Variants in TMEM178A observed in about 807,000 individuals in gnomAD.
The protein encoded by TMEM178A is transmembrane protein 178A.
TMEM178A carries 12 observed loss-of-function variants against 29.1 expected under a neutral mutation model. The observed-to-expected ratio is 0.41, with a 90% CI of 0.26 to 0.67. The LOEUF (loss-of-function observed/expected upper bound fraction) is 0.67. TMEM178A is among the 30% of genes least tolerant of loss of function. The pLI, the probability that TMEM178A is intolerant of heterozygous loss-of-function variation, is 0.29. For missense variants in TMEM178A, 366 were observed against 419.1 expected, an observed-to-expected ratio of 0.87 and a Z score of 1.11; for synonymous variants, 210 against 187.2, an observed-to-expected ratio of 1.12 and a Z score of -0.99.
intron 1 of TMEM178A, among the ~76,000 whole-genome samples, chr2:39,673,606 A>G (rs1670494283): frequency 6.6e-6 from 1 of 152,228 alleles, no homozygotes; most frequent in Non-Finnish European, 1.5e-5. Context: ...GGAAATTCTG[A>G]GTGTACAGAT....
chr2:39,720,739 A>T (rs1328106103), downstream of TMEM178A, among the ~76,000 whole-genome samples: 3 of 152,168 alleles, frequency 2.0e-5, no homozygotes, highest in East Asian at 5.8e-4. Flanking sequence ...AGAGTCATAG[A>T]TAAACTCTTT....
intron 1 of TMEM178A, among the ~76,000 whole-genome samples, chr2:39,683,835 A>C (rs1002959254): frequency 2.0e-5 from 3 of 152,212 alleles, no homozygotes; most frequent in Admixed American, 2.0e-4. Context: ...GACTTCTAGA[A>C]AAATACTGAC....
At chr2:39,665,867 G>C, upstream of TMEM178A, 4 of 1,018,206 alleles carry the variant, frequency 3.9e-6, no homozygotes, top group Non-Finnish European at 3.8e-6. Context: ...GGGAGGTGGG[G>C]GGCAGGTGGG....
intron 1 of TMEM178A, among the ~76,000 whole-genome samples, chr2:39,689,857 GA>G (rs986723986): frequency 2.0e-5 from 3 of 151,906 alleles, no homozygotes; most frequent in Non-Finnish European, 2.9e-5. Context: ...CCCCATTTGA[GA>G]AAAAAAATCT....
chr2:39,668,384 GT>G (rs1169400700), intron 1 of TMEM178A, among the ~76,000 whole-genome samples: 2 of 152,314 alleles, frequency 1.3e-5, no homozygotes, highest in South Asian at 2.1e-4. Context: ...AATATTGATG[GT>G]GTTTAGCTAA....
chr2:39,679,234 A>T (rs1304013616), intron 1 of TMEM178A, among the ~76,000 whole-genome samples: 1 of 152,180 alleles, frequency 6.6e-6, no homozygotes, highest in Non-Finnish European at 1.5e-5. Context: ...TTTGCCTTAG[A>T]TTGATTCAAA....
At chr2:39,719,309 C>A (rs1432706858), downstream of TMEM178A, among the ~76,000 whole-genome samples, 1 of 152,180 alleles carries the variant, frequency 6.6e-6, no homozygotes, top group Non-Finnish European at 1.5e-5. Context: ...GAGTGAGTAA[C>A]TTTTGAAGTT....
chr2:39,683,705 A>T (rs1670960844), intron 1 of TMEM178A, among the ~76,000 whole-genome samples: 1 of 152,242 alleles, frequency 6.6e-6, no homozygotes, highest in Admixed American at 6.5e-5. Flanking sequence ...TAAGTATGCC[A>T]CAATCGTGTA....
chr2:39,723,886 T>C, the TMEM178A span, among the ~76,000 whole-genome samples: 1 of 152,220 alleles, frequency 6.6e-6, no homozygotes, highest in Non-Finnish European at 1.5e-5. Flanking sequence ...TGTCAACATG[T>C]TATACATCTA....
At chr2:39,690,402 G>A (rs1282805773) in intron 1 of TMEM178A, among the ~76,000 whole-genome samples, 7 of 152,184 alleles carry the variant, frequency 4.6e-5, no homozygotes, top group Admixed American at 3.9e-4. Context: ...ATGCAGAGAA[G>A]GTGTACAAAT....
intron 2 of TMEM178A, among the ~76,000 whole-genome samples, chr2:39,705,601 T>C (rs1428618824): frequency 6.6e-6 from 1 of 152,172 alleles, no homozygotes; most frequent in Non-Finnish European, 1.5e-5. Flanking sequence ...AATACTCTCT[T>C]TTAATTTGGA....
chr2:39,727,451 C>T, the TMEM178A span, among the ~76,000 whole-genome samples: 3 of 152,192 alleles, frequency 2.0e-5, no homozygotes, highest in Non-Finnish European at 4.4e-5. Flanking sequence ...TGCATCTCAC[C>T]TAATTTTAGT....
At chr2:39,712,133 G>A (rs2540238) in intron 3 of TMEM178A, among the ~76,000 whole-genome samples, 3,852 of 151,432 alleles carry the variant, frequency 0.025, 178 homozygotes, top group African/African-American at 0.089. Flanking sequence ...ATATAGGAAT[G>A]GCTTTTTGAG....
At chr2:39,697,852 T>C (rs1397254847) in intron 1 of TMEM178A, 3 of 152,188 alleles carry the variant, frequency 2.0e-5, no homozygotes, top group Non-Finnish European at 2.9e-5. Flanking sequence ...GTCTTGAGTA[T>C]ATTTGCAGTG....
At chr2:39,733,963 C>T in the TMEM178A span, among the ~76,000 whole-genome samples, 1 of 152,028 alleles carries the variant, frequency 6.6e-6, no homozygotes, top group African/African-American at 2.4e-5. Context: ...CCTATTTCAT[C>T]ATCTTTTCGT....
chr2:39,711,656 T>TA (rs1672307654), intron 3 of TMEM178A, among the ~76,000 whole-genome samples: 1 of 152,090 alleles, frequency 6.6e-6, no homozygotes, highest in Admixed American at 6.5e-5. Flanking sequence ...AAATTTTTTT[T>TA]AAAAAAAGAC....
chr2:39,673,096 A>C (rs1177909524), intron 1 of TMEM178A, among the ~76,000 whole-genome samples: 2 of 152,212 alleles, frequency 1.3e-5, no homozygotes, highest in African/African-American at 4.8e-5. Context: ...ACAGATTTTC[A>C]GATTATAATC....
chr2:39,686,670 G>A (rs1671088414), intron 1 of TMEM178A, among the ~76,000 whole-genome samples: 1 of 149,268 alleles, frequency 6.7e-6, no homozygotes, highest in Admixed American at 6.7e-5. Context: ...GCGTCTGGGG[G>A]CAGGATGGGG....
chr2:39,671,491 T>G (rs1261921640), intron 1 of TMEM178A, among the ~76,000 whole-genome samples: 1 of 152,214 alleles, frequency 6.6e-6, no homozygotes, highest in Non-Finnish European at 1.5e-5. Flanking sequence ...GGTTAAAAGA[T>G]GCTGCTGGTA....
Sources: allele counts gnomAD v4.1 joint callset (sites outside exome capture counted in the v4.1 genomes callset), GRCh38; gene constraint gnomAD v4.1.1; transcripts MANE v1.5; gene names NCBI Gene and HGNC (gene_info 2026-07-23, HGNC 2026-07-21).